DENND1B: variants seen among roughly 807,000 people sequenced by gnomAD.
The protein encoded by DENND1B is DENN domain containing 1B.
Under a neutral mutation model 90.1 loss-of-function variants are expected in DENND1B, and 59 were observed. That is an observed-to-expected ratio of 0.65 (90% CI 0.53 to 0.81). DENND1B has a LOEUF of 0.81. DENND1B is among the 40% of genes least tolerant of loss of function. The probability of loss-of-function intolerance (pLI) is 0.00; values close to 1 mark genes in which losing one functional copy is unlikely to be tolerated. For synonymous variants in DENND1B, 337 were observed against 324.6 expected (o/e 1.04, Z -0.41); for missense variants, 862 against 912.6 (o/e 0.94, Z 0.71).
At chr1:197,698,379 C>A (rs1658666721) in intron 3 of DENND1B, among the ~76,000 whole-genome samples, 1 of 151,996 alleles carries the variant, frequency 6.6e-6, no homozygotes, top group South Asian at 2.1e-4. Context: ...AACAAAGAGA[C>A]AACATACCAG....
intron 15 of DENND1B, among the ~76,000 whole-genome samples, chr1:197,565,511 T>C (rs920526460): frequency 6.6e-6 from 1 of 152,020 alleles, no homozygotes; most frequent in African/African-American, 2.4e-5. Context: ...TATTATACTT[T>C]AAGTTTTAGG....
At chr1:197,673,709 T>C (rs1315659713) in intron 4 of DENND1B, among the ~76,000 whole-genome samples, 1 of 152,048 alleles carries the variant, frequency 6.6e-6, no homozygotes, top group Non-Finnish European at 1.5e-5. Context: ...TAGCCATGAG[T>C]TTTACAGCAT....
At chr1:197,739,430 T>C (rs1457601891) in intron 2 of DENND1B, among the ~76,000 whole-genome samples, 1 of 152,186 alleles carries the variant, frequency 6.6e-6, no homozygotes, top group African/African-American at 2.4e-5. Flanking sequence ...ATTCAAGCCA[T>C]ACCATGATAT....
upstream of DENND1B, among the ~76,000 whole-genome samples, chr1:197,777,540 C>G (rs1657329276): frequency 6.6e-6 from 1 of 152,130 alleles, no homozygotes; most frequent in African/African-American, 2.4e-5. Context: ...CATACACTTA[C>G]CTTGGTAATA....
chr1:197,524,299 T>C (rs1668987701), intron 20 of DENND1B, among the ~76,000 whole-genome samples: 1 of 152,184 alleles, frequency 6.6e-6, no homozygotes, highest in African/African-American at 2.4e-5. Flanking sequence ...ATGAAACTTC[T>C]GGTGACTGCT....
intron 5 of DENND1B, among the ~76,000 whole-genome samples, chr1:197,670,002 G>C (rs1056110495): frequency 6.6e-6 from 1 of 152,064 alleles, no homozygotes; most frequent in Non-Finnish European, 1.5e-5. Context: ...TAGAACCGCA[G>C]ATAAAAATAA....
chr1:197,651,334 G>C (rs1653142759), intron 7 of DENND1B, among the ~76,000 whole-genome samples: 1 of 152,018 alleles, frequency 6.6e-6, no homozygotes, highest in South Asian at 2.1e-4. Flanking sequence ...CAAAACATGA[G>C]TGTTTTTAGA....
chr1:197,645,243 G>A (rs948548254), intron 9 of DENND1B, among the ~76,000 whole-genome samples: 5 of 151,950 alleles, frequency 3.3e-5, no homozygotes, highest in Admixed American at 1.3e-4. Context: ...ACGATTTGAA[G>A]CATTATATAC....
At chr1:197,766,415 C>G (rs74134870) in intron 2 of DENND1B, among the ~76,000 whole-genome samples, 2,894 of 152,298 alleles carry the variant, frequency 0.019, 79 homozygotes, top group African/African-American at 0.064. Flanking sequence ...TGCAATACCT[C>G]CTAAACTACT....
intron 10 of DENND1B, among the ~76,000 whole-genome samples, chr1:197,634,850 GC>G (rs1267495377): frequency 6.6e-6 from 1 of 152,170 alleles, no homozygotes; most frequent in Non-Finnish European, 1.5e-5. Context: ...AATTTGCCAG[GC>G]ACAGAGGCAC....
intron 10 of DENND1B, among the ~76,000 whole-genome samples, chr1:197,619,074 T>C (rs1338499151): frequency 6.6e-6 from 1 of 151,246 alleles, no homozygotes; most frequent in African/African-American, 2.4e-5. Flanking sequence ...ATCAGTTTTG[T>C]ATGGCAAATA....
intron 4 of DENND1B, among the ~76,000 whole-genome samples, chr1:197,672,391 A>G (rs1449003379): frequency 6.6e-6 from 1 of 152,000 alleles, no homozygotes; most frequent in Non-Finnish European, 1.5e-5. Flanking sequence ...ATCTCTCACT[A>G]GGAAATCATA....
chr1:197,772,642 G>C lies in DENND1B; in HGVS notation c.82+226C>G, dbSNP rs138037554. 6.2e-3 allele frequency among the ~76,000 whole-genome samples: 938 copies of C among 152,268 alleles called. 11 individuals carry two copies. The highest frequency in any genetic ancestry group is 0.022 in the African/African-American group (905 of 41,538). On this transcript the variant is annotated intron_variant, in intron 2 of 22. Coordinates refer to ENST00000620048, the MANE Select transcript of DENND1B (RefSeq NM_001195215.2). ...GTTCAAGACCAGCCTGGGCAACGTG[G>C]TGAACCCTGTCTCCACAAAAAAATA...
At chr1:197,768,917 C>T (rs1186396268) in intron 2 of DENND1B, among the ~76,000 whole-genome samples, 4 of 151,256 alleles carry the variant, frequency 2.6e-5, no homozygotes, top group African/African-American at 4.9e-5. Context: ...AGCAGTAGAC[C>T]AGATAAAGAT....
At chr1:197,750,131 G>C (rs1653275087) in intron 2 of DENND1B, among the ~76,000 whole-genome samples, 1 of 152,174 alleles carries the variant, frequency 6.6e-6, no homozygotes, top group South Asian at 2.1e-4. Context: ...ATAGGCGTGA[G>C]CCACCAGGCC....
At chr1:197,565,671 G>A (rs1361866788) in intron 15 of DENND1B, among the ~76,000 whole-genome samples, 1 of 128,904 alleles carries the variant, frequency 7.8e-6, no homozygotes, top group African/African-American at 3.0e-5. Context: ...CCCAGAGTGT[G>A]ATGTTCCCCT....
At chr1:197,715,476 ATATAT>A (rs1461887934) in intron 2 of DENND1B, among the ~76,000 whole-genome samples, 1 of 151,912 alleles carries the variant, frequency 6.6e-6, no homozygotes, top group Admixed American at 6.6e-5. Flanking sequence ...ATGTAATAAA[ATATAT>A]TATAGCTCTC....
chr1:197,691,265 A>G (rs986569943), intron 3 of DENND1B, among the ~76,000 whole-genome samples: 5 of 151,952 alleles, frequency 3.3e-5, no homozygotes, highest in Non-Finnish European at 5.9e-5. Context: ...AACAGCAAAA[A>G]AAAAAAAAAA....
At chr1:197,611,872 T>A (rs1677210531) in intron 12 of DENND1B, 59 bp downstream of exon 12, 1 of 1,478,312 alleles carries the variant, frequency 6.8e-7, no homozygotes, top group Admixed American at 1.7e-5. Context: ...AACAAAACTG[T>A]TTTAACTATT....
Sources: gnomAD v4.1 joint callset for allele counts (sites outside exome capture counted in the v4.1 genomes callset) on GRCh38, gnomAD v4.1.1 for gene constraint, MANE v1.5 for transcripts, NCBI Gene and HGNC (gene_info 2026-07-23, HGNC 2026-07-21) for gene names.